The following LSM14A variants were observed in gnomAD, a reference collection of about 807,000 sequenced individuals.
The protein encoded by LSM14A is protein LSM14 homolog A.
In LSM14A, 14 loss-of-function variants were observed where a neutral mutation model predicts 52.4. The ratio of observed to expected loss-of-function variants is 0.27; its 90% CI spans 0.18 to 0.42. LSM14A has a LOEUF of 0.42. LSM14A is among the 10% of genes least tolerant of loss of function. The pLI, the probability that LSM14A is intolerant of heterozygous loss-of-function variation, is 1.00. For missense variants in LSM14A, 417 were observed against 581.8 expected, an observed-to-expected ratio of 0.72 and a Z score of 2.91; for synonymous variants, 185 against 200.3, an observed-to-expected ratio of 0.92 and a Z score of 0.64.
chr19:34,183,555 AAAAT>A (rs571816897), intron 1 of LSM14A, among the ~76,000 whole-genome samples: 11 of 152,306 alleles, frequency 7.2e-5, no homozygotes, highest in Middle Eastern at 3.4e-3. Context: ...TCTCAAAAAA[AAAAT>A]AAATAAATAA....
chr19:34,216,892 T>C (rs1047204857), intron 6 of LSM14A, among the ~76,000 whole-genome samples: 1 of 152,230 alleles, frequency 6.6e-6, no homozygotes, highest in Non-Finnish European at 1.5e-5. Context: ...ATTATAAAAT[T>C]GGTTTTCATT....
chr19:34,176,391 C>G (rs374768170), intron 1 of LSM14A, among the ~76,000 whole-genome samples: 1 of 151,978 alleles, frequency 6.6e-6, no homozygotes, highest in East Asian at 1.9e-4. Flanking sequence ...ATCTTTGTAA[C>G]CACCACCCAG....
In LSM14A at chr19:34,208,970, A is replaced by G; in HGVS notation, c.457A>G (p.Ser153Gly). The part of the protein sequence containing the change: ...LTSFGTETSN[S>G]GTLPQSSAVG... Reference sequence around the variant, plus strand: ...ATCCTTTGGAACAGAAACATCAAACAGTGGTACCTTACCCCAAAGTAGTGC... The same window carrying G: ...ATCCTTTGGAACAGAAACATCAAACGGTGGTACCTTACCCCAAAGTAGTGC... Residue 153 changes from serine (S) to glycine (G), a missense_variant, in exon 4 of 10, where the codon AGT becomes GGT. Ser to Gly is a moderately conservative substitution (Grantham distance 56, BLOSUM62 0). Coordinates refer to ENST00000544216, the MANE Select transcript of LSM14A (RefSeq NM_015578.4). 1.9e-6 allele frequency: 3 copies of G among 1,611,132 alleles called. No individual in the cohort carries two copies. Among genetic ancestry groups the G allele is most frequent in the Non-Finnish European group, 2.5e-6 (3 of 1,178,162 alleles).
At chr19:34,192,476 C>G (rs1218156708) in intron 1 of LSM14A, among the ~76,000 whole-genome samples, 2 of 150,330 alleles carry the variant, frequency 1.3e-5, no homozygotes, top group Admixed American at 6.6e-5. Context: ...CAGGTGCATG[C>G]CAACATGCCC....
At chr19:34,221,331 C>G (rs1273678636) in intron 8 of LSM14A, 176 bp from the exon 9 acceptor site, 3 of 681,996 alleles carry the variant, frequency 4.4e-6, no homozygotes. Context: ...GATCCGCCCC[C>G]TCGGCCTCCC....
chr19:34,223,407 G>T (rs1462095554), intron 9 of LSM14A, among the ~76,000 whole-genome samples: 1 of 152,108 alleles, frequency 6.6e-6, no homozygotes, highest in Non-Finnish European at 1.5e-5. Flanking sequence ...TTGTAAGCCT[G>T]TCCTGGACCC....
At chr19:34,219,608 TATTTG>T (rs1568500262) in intron 7 of LSM14A, 35 bp downstream of exon 7, 4 of 1,587,950 alleles carry the variant, frequency 2.5e-6, no homozygotes, top group South Asian at 2.3e-5. Flanking sequence ...AAAATAATCT[TATTTG>T]ATCTGTGAAT....
intron 1 of LSM14A, among the ~76,000 whole-genome samples, chr19:34,189,823 T>C (rs530659406): frequency 1.4e-4 from 21 of 152,306 alleles, no homozygotes; most frequent in Middle Eastern, 3.4e-3. Context: ...GATAGTAGTG[T>C]GCTTAAAGAT....
intron 1 of LSM14A, among the ~76,000 whole-genome samples, chr19:34,174,516 T>A (rs1452601972): frequency 6.6e-6 from 1 of 152,230 alleles, no homozygotes; most frequent in African/African-American, 2.4e-5. Flanking sequence ...ATTACCTCAT[T>A]AAAACACCTG....
At chr19:34,175,089 A>G (rs2068988613) in intron 1 of LSM14A, among the ~76,000 whole-genome samples, 2 of 152,230 alleles carry the variant, frequency 1.3e-5, no homozygotes, top group African/African-American at 4.8e-5. Context: ...ACATAATGAC[A>G]TAAAATATAA....
intron 1 of LSM14A, among the ~76,000 whole-genome samples, chr19:34,192,996 A>T (rs1220181041): frequency 6.6e-6 from 1 of 152,088 alleles, no homozygotes; most frequent in Non-Finnish European, 1.5e-5. Flanking sequence ...AAGAAAAAAA[A>T]TAGAAATGTT....
intron 6 of LSM14A, among the ~76,000 whole-genome samples, chr19:34,217,681 G>A (rs1325254119): frequency 8.1e-6 from 1 of 124,178 alleles, no homozygotes; most frequent in Non-Finnish European, 1.6e-5. Flanking sequence ...AGGCTGGAGT[G>A]CAGTGGGGCA....
intron 4 of LSM14A, among the ~76,000 whole-genome samples, chr19:34,210,571 C>CT (rs1422005857): frequency 2.6e-5 from 4 of 151,662 alleles, no homozygotes; most frequent in African/African-American, 9.7e-5. Flanking sequence ...TGCGTCCAGC[C>CT]TACTTGCTTA....
At chr19:34,214,424 T>C (rs2072421054) in intron 4 of LSM14A, among the ~76,000 whole-genome samples, 1 of 151,896 alleles carries the variant, frequency 6.6e-6, no homozygotes, top group Non-Finnish European at 1.5e-5. Flanking sequence ...CTATCCCATC[T>C]CAGCCTCCTG....
intron 1 of LSM14A, among the ~76,000 whole-genome samples, chr19:34,192,469 G>A (rs1313855196): frequency 1.3e-5 from 2 of 150,448 alleles, no homozygotes; most frequent in Admixed American, 6.6e-5. Context: ...AGGACTACAG[G>A]TGCATGCCAA....
intron 9 of LSM14A, chr19:34,226,369 CTT>C (rs759207092): frequency 1.4e-6 from 2 of 1,396,346 alleles, no homozygotes; most frequent in South Asian, 1.4e-5. Flanking sequence ...GTCCCCATCT[CTT>C]TCTCTTTTTT....
chr19:34,221,081 CTTTTT>C, intron 8 of LSM14A, among the ~76,000 whole-genome samples: 1 of 124,838 alleles, frequency 8.0e-6, no homozygotes, highest in South Asian at 2.5e-4. Context: ...AGATAAGATG[CTTTTT>C]TTTTTTTTTT....
chr19:34,212,493 A>T (rs2072242258), intron 4 of LSM14A, among the ~76,000 whole-genome samples: 1 of 152,228 alleles, frequency 6.6e-6, no homozygotes, highest in Non-Finnish European at 1.5e-5. Context: ...AATGTTAAAA[A>T]TTTTGAAGTA....
intron 9 of LSM14A, among the ~76,000 whole-genome samples, chr19:34,225,319 C>T (rs540052479): frequency 6.6e-6 from 1 of 152,266 alleles, no homozygotes; most frequent in African/African-American, 2.4e-5. Context: ...CAGCCCTACA[C>T]CTCCTAAATC....
Sources: gnomAD v4.1 joint callset for allele counts (sites outside exome capture counted in the v4.1 genomes callset) on GRCh38, gnomAD v4.1.1 for gene constraint, MANE v1.5 for transcripts, NCBI Gene and HGNC (gene_info 2026-07-23, HGNC 2026-07-21) for gene names.